The following STAT4 variants were observed in gnomAD, a reference collection of about 807,000 sequenced individuals.
STAT4 encodes signal transducer and activator of transcription 4.
A neutral mutation model predicts 110.5 loss-of-function variants in STAT4; 42 were observed. The observed-to-expected ratio is 0.38, with a 90% CI of 0.30 to 0.49. STAT4 has a LOEUF of 0.49. Ranked by LOEUF, STAT4 falls within the 20% of genes least tolerant of loss-of-function variation. The probability of loss-of-function intolerance (pLI) is 0.95; values close to 1 mark genes in which losing one functional copy is unlikely to be tolerated. For missense variants in STAT4, 632 were observed against 887.9 expected (o/e 0.71, Z 3.66); for synonymous variants, 284 against 302.2 (o/e 0.94, Z 0.63).
Position 191,030,588 on chromosome 2 carries a change from A to G in STAT4, c.2220+384T>C, listed in dbSNP as rs573162303. On this transcript the variant is annotated intron_variant, in intron 23 of 23. Transcript: ENST00000392320. This position sits in a 1 kb window ranked among gnomAD's most constrained non-coding sequence, Gnocchi z 4.4. Reference sequence around the variant, plus strand: ...TGGGTTTACTAGATAGTAAGTAACTAGTAAACTAGATAGTATACTAGGTTT... The same window carrying G: ...TGGGTTTACTAGATAGTAAGTAACTGGTAAACTAGATAGTATACTAGGTTT... 6.6e-6 allele frequency among the ~76,000 whole-genome samples: 1 copy of G among 152,314 alleles called. No homozygotes were observed. The highest frequency in any genetic ancestry group is 2.4e-5 in the African/African-American group (1 of 41,564).
rs1696223099 is a variant in STAT4, at chr2:191,042,248, C to A, written c.1252-1100G>T. On this transcript the variant is annotated intron_variant, in intron 14 of 23. Transcript: ENST00000392320. The surrounding 1 kb of genome is among the most constrained non-coding windows in gnomAD (Gnocchi z 4.2). ...TAATTATTAACAGCAAGCTAATGAT[C>A]ATCAGGCATTTGACAAAGACTTTCA... 6.6e-6 allele frequency among the ~76,000 whole-genome samples: 1 copy of A among 151,958 alleles called. No homozygotes were observed. The highest frequency in any genetic ancestry group is 6.6e-5 in the Admixed American group (1 of 15,266).
chr2:191,094,550 G>C (rs1013841986), intron 3 of STAT4, among the ~76,000 whole-genome samples: 3 of 152,150 alleles, frequency 2.0e-5, no homozygotes, highest in Non-Finnish European at 2.9e-5. Flanking sequence ...GAAAGATTTT[G>C]TCACTACCAG....
chr2:191,033,016 A>C lies in STAT4; in HGVS notation c.1986T>G (p.Tyr662Ter). ...AGGCTTTGTCTTTGGGAATGTCAGGATATAGGTACTTCAGAGGGTTTTCAG... is the reference window on the plus strand; with the variant it reads ...AGGCTTTGTCTTTGGGAATGTCAGGCTATAGGTACTTCAGAGGGTTTTCAG... ...NIPENPLKYL[Y>*]PDIPKDKAFG... is the part of the protein sequence containing the mutation. The change falls in exon 21 of 24, where the codon TAT (tyrosine) becomes TAG (stop). Residue 662 changes from tyrosine to a stop codon, truncating the protein, a stop_gained. Coordinates refer to ENST00000392320, the MANE Select transcript of STAT4 (RefSeq NM_003151.4). LOFTEE classifies it high-confidence loss of function. This position sits in a 1 kb window ranked among gnomAD's most constrained non-coding sequence, Gnocchi z 6.9. 6.2e-7 allele frequency: 1 copy of C among 1,614,212 alleles called. No homozygotes were observed. The highest frequency in any genetic ancestry group is 8.5e-7 in the Non-Finnish European group (1 of 1,180,020).
At chr2:191,063,336 G>A (rs1696900082) in intron 8 of STAT4, among the ~76,000 whole-genome samples, 1 of 152,104 alleles carries the variant, frequency 6.6e-6, no homozygotes. Context: ...TCTTATGTAA[G>A]CATACTGAAA....
intron 3 of STAT4, among the ~76,000 whole-genome samples, chr2:191,081,774 C>G (rs574904554): frequency 6.6e-6 from 1 of 152,272 alleles, no homozygotes; most frequent in Non-Finnish European, 1.5e-5. Context: ...TAGTGACATG[C>G]TGCTTTTGAT....
In STAT4 at chr2:191,148,108, A is replaced by C. The variant is rs766134008; in HGVS notation, c.96T>G (p.His32Gln). The change falls in exon 2 of 24, where the codon CAT becomes CAG. Residue 32 changes from histidine to glutamine, a missense_variant. His to Gln is a conservative substitution (Grantham distance 24, BLOSUM62 0). This residue lies in a region of STAT4 where 488 missense variants were observed against 632.8 expected (regional missense o/e 0.77). Coordinates refer to ENST00000392320, the MANE Select transcript of STAT4 (RefSeq NM_003151.4). Reference sequence around the variant, plus strand: ...GATTTTCAATCCATTGGGCCAACAGATGCCGAATTTCCATGGGAAAGTTGT... The same window carrying C: ...GATTTTCAATCCATTGGGCCAACAGCTGCCGAATTTCCATGGGAAAGTTGT... ...YDDNFPMEIRHLLAQWIENQD... is the reference protein window; with the variant it reads ...YDDNFPMEIRQLLAQWIENQD... The C allele has an allele frequency of 1.2e-6, 2 of 1,613,952 alleles. No homozygotes were observed. The highest frequency in any genetic ancestry group is 1.7e-5 in the Admixed American group (1 of 60,002).
At chr2:191,079,599 T>C (rs1256414073) in intron 3 of STAT4, among the ~76,000 whole-genome samples, 1 of 152,116 alleles carries the variant, frequency 6.6e-6, no homozygotes, top group Non-Finnish European at 1.5e-5. Context: ...TTTGGAATTT[T>C]CTGCATATAC....
chr2:191,093,769 A>G (rs1206658051), intron 3 of STAT4, among the ~76,000 whole-genome samples: 1 of 152,178 alleles, frequency 6.6e-6, no homozygotes, highest in Non-Finnish European at 1.5e-5. Flanking sequence ...AGGCTTCAGA[A>G]GGTCAGTAAT....
At chr2:191,148,327 A>C (rs1699507843) in intron 1 of STAT4, 123 bp from the exon 2 acceptor site, 5 of 1,261,258 alleles carry the variant, frequency 4.0e-6, no homozygotes, top group Admixed American at 2.7e-5. Flanking sequence ...AGGATACAAA[A>C]ATTTCACTAA....
At chr2:191,129,523 A>G in intron 3 of STAT4, among the ~76,000 whole-genome samples, 1 of 152,222 alleles carries the variant, frequency 6.6e-6, no homozygotes, top group East Asian at 1.9e-4. Flanking sequence ...AAAACACATA[A>G]AGCAAAAACT....
Position 191,110,938 on chromosome 2 carries a change from C to G in STAT4, c.274-34613G>C, listed in dbSNP as rs1698406062. On this transcript the variant is annotated intron_variant, in intron 3 of 23. Coordinates refer to ENST00000392320, the MANE Select transcript of STAT4 (RefSeq NM_003151.4). The surrounding 1 kb of genome is among the most constrained non-coding windows in gnomAD (Gnocchi z 4.5). ...TGCCGGGATTACAGGTGGGTGACAC[C>G]AGGCCCAGCGAATTTTTCTGTATTT... Among the ~76,000 whole-genome samples the G allele has an allele frequency of 6.6e-6, 1 of 152,052 alleles. No individual in the cohort carries two copies. The highest frequency in any genetic ancestry group is 6.5e-5 in the Admixed American group (1 of 15,272).
Position 191,059,306 on chromosome 2 carries a change from A to T in STAT4, c.1035-537T>A, listed in dbSNP as rs1237932604. Among the ~76,000 whole-genome samples the T allele has an allele frequency of 5.3e-5, 8 of 152,264 alleles. No homozygotes were observed. In the East Asian group the frequency reaches 1.5e-3, roughly 29 times the overall value. On this transcript the variant is annotated intron_variant, in intron 10 of 23. Coordinates refer to ENST00000392320, the MANE Select transcript of STAT4 (RefSeq NM_003151.4). The surrounding 1 kb of genome is among the most constrained non-coding windows in gnomAD (Gnocchi z 4.7). ...AACAGCAAAAACGTTCATTAAAAAAACAAACTTCAAATGAACAAGTAATTG... is the reference window on the plus strand; with the variant it reads ...AACAGCAAAAACGTTCATTAAAAAATCAAACTTCAAATGAACAAGTAATTG...
Position 191,031,376 on chromosome 2 carries a change from C to G in STAT4, c.2111+74G>C. 1 of 1,440,480 alleles carries G rather than the reference C, an allele frequency of 6.9e-7. No individual in the cohort carries two copies. The highest frequency in any genetic ancestry group is 9.6e-7 in the Non-Finnish European group (1 of 1,044,604). 89.2% of individuals were successfully genotyped at this position (1,440,480 alleles called of 1,614,324 possible). A position where few individuals can be genotyped will look rare whatever the true frequency, so the allele number is the denominator to read the frequency against. On this transcript the variant is annotated intron_variant, in intron 22 of 23. Coordinates refer to ENST00000392320, the MANE Select transcript of STAT4 (RefSeq NM_003151.4). This position sits in a 1 kb window ranked among gnomAD's most constrained non-coding sequence, Gnocchi z 4.8. ...AATGCTTTGTTCTCAGTTATGTGTA[C>G]TCTGCTCTACCTTTAAATCTCCTAT... is the stretch of plus-strand genomic sequence containing the variant.
intron 14 of STAT4, among the ~76,000 whole-genome samples, chr2:191,052,852 A>G: frequency 6.6e-6 from 1 of 152,218 alleles, no homozygotes. Flanking sequence ...GCTGGGAAGA[A>G]TATCTTCCAC....
In STAT4 at chr2:191,033,220, C is replaced by T. The variant is rs1006593176; in HGVS notation, c.1853-71G>A. 7 of 1,474,660 alleles carry T rather than the reference C, an allele frequency of 4.7e-6. No homozygotes were observed. Among genetic ancestry groups the T allele is most frequent in the Non-Finnish European group, 6.5e-6 (7 of 1,085,136 alleles). The allele number at this position is 1,474,660 out of a possible 1,614,324, so 91.3% of individuals were successfully genotyped here. On this transcript the variant is annotated intron_variant, in intron 20 of 23. Coordinates refer to ENST00000392320, the MANE Select transcript of STAT4 (RefSeq NM_003151.4). The surrounding 1 kb of genome is among the most constrained non-coding windows in gnomAD (Gnocchi z 6.9). ...TCCTTGTGACCATTTCTTCCCTGCC[C>T]ACATTATCTTCATGCCACTGGAGTG... is the stretch of plus-strand genomic sequence containing the variant.
intron 14 of STAT4, among the ~76,000 whole-genome samples, chr2:191,049,057 C>A (rs542037681): frequency 6.6e-6 from 1 of 151,172 alleles, no homozygotes; most frequent in South Asian, 2.1e-4. Context: ...AAAAAAAATA[C>A]AATCCGATGA....
intron 5 of STAT4, among the ~76,000 whole-genome samples, chr2:191,070,527 A>G (rs1161587595): frequency 6.6e-6 from 1 of 152,020 alleles, no homozygotes; most frequent in Admixed American, 6.6e-5. Context: ...CCTTGACCCC[A>G]CCCTTAACCA....
chr2:191,108,545 G>A (rs940281962), intron 3 of STAT4, among the ~76,000 whole-genome samples: 5 of 152,122 alleles, frequency 3.3e-5, no homozygotes, highest in African/African-American at 1.2e-4. Flanking sequence ...GGTGGTGGTG[G>A]GGGAAGAAGA....
At chr2:191,103,481 G>C (rs2125340030) in intron 3 of STAT4, among the ~76,000 whole-genome samples, 1 of 152,244 alleles carries the variant, frequency 6.6e-6, no homozygotes, top group East Asian at 1.9e-4. Context: ...CCAAAGTCAA[G>C]AGCATGAATT....
Sources: gnomAD v4.1 joint callset for allele counts (sites outside exome capture counted in the v4.1 genomes callset) on GRCh38, gnomAD v4.1.1 for gene constraint, gnomAD v4.1.1 regional missense constraint, Gnocchi (gnomAD v3.1) non-coding constraint, MANE v1.5 for transcripts, NCBI Gene and HGNC (gene_info 2026-07-23, HGNC 2026-07-21) for gene names.